Variants in DAB1 observed in about 807,000 individuals in gnomAD.
DAB1 encodes the protein disabled homolog 1.
Under a neutral mutation model 64.6 loss-of-function variants are expected in DAB1, and 15 were observed. The observed-to-expected ratio is 0.23, with a 90% CI of 0.16 to 0.36. The LOEUF (loss-of-function observed/expected upper bound fraction) is 0.36, where lower values mean the gene tolerates loss of function less well. Among genes scored for constraint, DAB1 ranks in the 10% least tolerant of loss-of-function variants. DAB1 has a pLI of 1.00. For missense variants in DAB1, 596 were observed against 706.7 expected (o/e 0.84, Z 1.78); for synonymous variants, 235 against 251.9 (o/e 0.93, Z 0.64).
chr1:57,194,820 A>G (rs1486166390), intron 2 of DAB1, among the ~76,000 whole-genome samples: 1 of 152,208 alleles, frequency 6.6e-6, no homozygotes. Flanking sequence ...AGTACTCAGG[A>G]AAGCATGAAA....
chr1:57,083,069 G>T (rs1229745890), intron 4 of DAB1, among the ~76,000 whole-genome samples: 1 of 152,132 alleles, frequency 6.6e-6, no homozygotes, highest in Non-Finnish European at 1.5e-5. Flanking sequence ...GGGAGGTGTT[G>T]CTATGCATAG....
At chr1:57,703,358 T>C (rs1646929879) in intron 6 of DAB1, among the ~76,000 whole-genome samples, 1 of 152,080 alleles carries the variant, frequency 6.6e-6, no homozygotes, top group South Asian at 2.1e-4. Context: ...AAAGATCTTA[T>C]TAAAAAGTGG....
intron 1 of DAB1, among the ~76,000 whole-genome samples, chr1:57,405,181 A>C (rs1039799968): frequency 6.6e-6 from 1 of 152,230 alleles, no homozygotes; most frequent in African/African-American, 2.4e-5. Context: ...GACAGATACA[A>C]ACTTCACTGC....
intron 9 of DAB1, chr1:57,033,676 G>A: frequency 8.9e-7 from 1 of 1,120,368 alleles, no homozygotes; most frequent in African/African-American, 1.5e-5. Flanking sequence ...ACACTTCCGT[G>A]GTCTCAGTAG....
chr1:58,539,211 A>C, intron 1 of DAB1: 1 of 872,844 alleles, frequency 1.1e-6, no homozygotes, highest in Non-Finnish European at 2.0e-6. Context: ...CTAATGTGTT[A>C]CATTTTCTCC....
At chr1:58,306,246 T>G (rs1352595610) in intron 4 of DAB1, among the ~76,000 whole-genome samples, 1 of 152,046 alleles carries the variant, frequency 6.6e-6, no homozygotes, top group Admixed American at 6.6e-5. Flanking sequence ...ATTAGGCTAA[T>G]TTGACAACAA....
intron 9 of DAB1, among the ~76,000 whole-genome samples, chr1:57,026,435 C>T (rs1027735739): frequency 3.3e-5 from 5 of 152,182 alleles, no homozygotes; most frequent in African/African-American, 9.7e-5. Context: ...TACAACTTGC[C>T]TTCCATGTGC....
intron 5 of DAB1, among the ~76,000 whole-genome samples, chr1:58,006,854 T>G (rs557754516): frequency 1.3e-5 from 2 of 152,230 alleles, no homozygotes; most frequent in South Asian, 4.1e-4. Flanking sequence ...ATAGTTGCTC[T>G]TGTGCATTGT....
At chr1:58,397,248 C>G (rs1414317380) in intron 3 of DAB1, among the ~76,000 whole-genome samples, 2 of 152,132 alleles carry the variant, frequency 1.3e-5, no homozygotes, top group African/African-American at 4.8e-5. Context: ...CCATACTCGG[C>G]CCAGGCACAA....
intron 6 of DAB1, among the ~76,000 whole-genome samples, chr1:57,675,229 C>T (rs1646552272): frequency 6.6e-6 from 1 of 152,124 alleles, no homozygotes; most frequent in Admixed American, 6.5e-5. Context: ...TATTTTATTT[C>T]AACAGCAGAA....
intron 1 of DAB1, among the ~76,000 whole-genome samples, chr1:57,337,978 C>T (rs1472483444): frequency 6.7e-6 from 1 of 150,282 alleles, no homozygotes; most frequent in Non-Finnish European, 1.5e-5. Flanking sequence ...CCCTCCTCCT[C>T]CTCCTCCTTC....
intron 3 of DAB1, chr1:58,481,186 T>A (rs1557434195): frequency 3.8e-6 from 3 of 779,494 alleles, no homozygotes; most frequent in Admixed American, 2.1e-5. Flanking sequence ...TATAAAGAAA[T>A]AATAAAATAA....
chr1:57,539,215 A>T (rs1360804909), intron 7 of DAB1, among the ~76,000 whole-genome samples: 1 of 152,232 alleles, frequency 6.6e-6, no homozygotes, highest in Non-Finnish European at 1.5e-5. Context: ...TTGTAGAATG[A>T]ACATTTCATC....
chr1:57,208,894 A>G (rs1326720403), intron 2 of DAB1, among the ~76,000 whole-genome samples: 3 of 152,226 alleles, frequency 2.0e-5, no homozygotes, highest in Non-Finnish European at 4.4e-5. Context: ...AACCTTGAGA[A>G]TTACAGACAG....
chr1:58,323,952 C>T (rs7520178), intron 4 of DAB1, among the ~76,000 whole-genome samples: 113,581 of 149,400 alleles, frequency 0.76, 44,084 homozygotes, highest in African/African-American at 0.92. Flanking sequence ...GACTTAGTTA[C>T]TGCTCTCAGA....
intron 4 of DAB1, among the ~76,000 whole-genome samples, chr1:57,081,468 A>G (rs911372421): frequency 6.6e-6 from 1 of 152,230 alleles, no homozygotes; most frequent in Non-Finnish European, 1.5e-5. Context: ...AGTCATCAGA[A>G]AAAGAAAAGA....
At chr1:58,478,313 A>G (rs1234568476) in intron 3 of DAB1, among the ~76,000 whole-genome samples, 2 of 152,224 alleles carry the variant, frequency 1.3e-5, no homozygotes, top group East Asian at 3.8e-4. Context: ...CTGTGAGTCA[A>G]TTAAATCCCT....
At chr1:57,432,279 C>T (rs1049773702) in intron 7 of DAB1, among the ~76,000 whole-genome samples, 4 of 152,128 alleles carry the variant, frequency 2.6e-5, no homozygotes, top group African/African-American at 9.7e-5. Context: ...GCCATTCCTC[C>T]TTCTTCTAAA....
intron 3 of DAB1, among the ~76,000 whole-genome samples, chr1:58,419,107 T>C (rs1421716524): frequency 9.9e-5 from 15 of 152,152 alleles, no homozygotes; most frequent in Non-Finnish European, 1.5e-5. Context: ...AGAAGGGCAG[T>C]GTGTATTTAT....
Sources: allele counts gnomAD v4.1 joint callset (sites outside exome capture counted in the v4.1 genomes callset), GRCh38; gene constraint gnomAD v4.1.1; transcripts MANE v1.5; gene names NCBI Gene and HGNC (gene_info 2026-07-23, HGNC 2026-07-21).